The following TSPAN15 variants were observed in gnomAD, a reference collection of about 807,000 sequenced individuals.
TSPAN15 encodes the protein tetraspanin-15.
In TSPAN15, 20 loss-of-function variants were observed where a neutral mutation model predicts 34.5. The ratio of observed to expected loss-of-function variants is 0.58; its 90% CI spans 0.41 to 0.84. The LOEUF (loss-of-function observed/expected upper bound fraction) is 0.84. Ranked by LOEUF, TSPAN15 falls within the 40% of genes least tolerant of loss-of-function variation. TSPAN15 has a pLI of 0.00. For synonymous variants in TSPAN15, 155 were observed against 153.9 expected (o/e 1.01, Z -0.05); for missense variants, 313 against 386.1 (o/e 0.81, Z 1.59).
At chr10:69,540,254 G>C in the TSPAN15 span, among the ~76,000 whole-genome samples, 1 of 152,176 alleles carries the variant, frequency 6.6e-6, no homozygotes, top group African/African-American at 2.4e-5. Flanking sequence ...AATTAGCCAG[G>C]CGTGGTGGCA....
the TSPAN15 span, among the ~76,000 whole-genome samples, chr10:69,520,094 A>G: frequency 6.6e-6 from 1 of 152,202 alleles, no homozygotes; most frequent in African/African-American, 2.4e-5. Context: ...ATGTAGTGCA[A>G]CCATTGCCCC....
At chr10:69,456,091 CT>C (rs34066900) in intron 1 of TSPAN15, among the ~76,000 whole-genome samples, 30,350 of 145,004 alleles carry the variant, frequency 0.21, 3,527 homozygotes, top group African/African-American at 0.35. Flanking sequence ...AATTTACTTA[CT>C]TTTTTTTTTT....
At chr10:69,525,855 AAACACTGATGATT>A in the TSPAN15 span, among the ~76,000 whole-genome samples, 2 of 144,950 alleles carry the variant, frequency 1.4e-5, no homozygotes, top group African/African-American at 5.1e-5. Context: ...TAAGATAAAG[AAACACTGATGATT>A]AACACTGATG....
At chr10:69,481,514 C>T (rs982909796) in intron 1 of TSPAN15, among the ~76,000 whole-genome samples, 70 of 152,360 alleles carry the variant, frequency 4.6e-4, no homozygotes, top group African/African-American at 1.7e-3. Context: ...GAAGCAGTCA[C>T]TTCCCTTTAT....
the TSPAN15 span, among the ~76,000 whole-genome samples, chr10:69,538,791 A>C: frequency 6.6e-6 from 1 of 152,196 alleles, no homozygotes; most frequent in African/African-American, 2.4e-5. Flanking sequence ...ATGCACGTGT[A>C]GACGCCCCAG....
chr10:69,506,403 G>T lies in TSPAN15; in HGVS notation c.735+163G>T. The T allele has an allele frequency of 1.5e-6, 1 of 653,530 alleles. No homozygotes were observed. Among genetic ancestry groups the T allele is most frequent in the Non-Finnish European group, 2.7e-6 (1 of 377,026 alleles). 40.5% of individuals were successfully genotyped at this position (653,530 alleles called of 1,614,324 possible). On this transcript the variant is annotated intron_variant, in intron 7 of 7. Transcript: ENST00000373290. This position sits in a 1 kb window ranked among gnomAD's most constrained non-coding sequence, Gnocchi z 4.7. ...GGGGCAAATGGCAATAGCAGTCGTG[G>T]CGAAGCTCTTCCAAGTGCTGCGCAG...
At chr10:69,539,375 TAGAAGA>T in the TSPAN15 span, among the ~76,000 whole-genome samples, 1 of 74,634 alleles carries the variant, frequency 1.3e-5, no homozygotes, top group Non-Finnish European at 2.8e-5. Context: ...ACAAAAAAAA[TAGAAGA>T]AGAAGAGGAA....
At chr10:69,461,693 G>A (rs1841261253) in intron 1 of TSPAN15, among the ~76,000 whole-genome samples, 1 of 152,152 alleles carries the variant, frequency 6.6e-6, no homozygotes, top group Non-Finnish European at 1.5e-5. Context: ...AGTGTGGCTG[G>A]TGGTGGGCTG....
At chr10:69,486,431 T>C (rs577019559) in intron 3 of TSPAN15, among the ~76,000 whole-genome samples, 2 of 152,336 alleles carry the variant, frequency 1.3e-5, no homozygotes, top group Admixed American at 1.3e-4. Context: ...TATCTTTTTT[T>C]TTAAAAATAA....
At chr10:69,462,805 C>G (rs192829605) in intron 1 of TSPAN15, among the ~76,000 whole-genome samples, 154 of 152,318 alleles carry the variant, frequency 1.0e-3, no homozygotes, top group African/African-American at 3.5e-3. Flanking sequence ...ACATCTCTTA[C>G]GATCTGGACA....
At chr10:69,521,382 C>T in the TSPAN15 span, among the ~76,000 whole-genome samples, 1 of 146,276 alleles carries the variant, frequency 6.8e-6, no homozygotes, top group Admixed American at 7.1e-5. Flanking sequence ...TGGTGGTGCA[C>T]ACCTGTAGTC....
At chr10:69,547,991 G>T in the TSPAN15 span, among the ~76,000 whole-genome samples, 7 of 152,336 alleles carry the variant, frequency 4.6e-5, no homozygotes, top group East Asian at 1.3e-3. Flanking sequence ...TCCTGAACCA[G>T]TAACTGAGGC....
intron 3 of TSPAN15, among the ~76,000 whole-genome samples, chr10:69,489,045 A>G (rs1444302895): frequency 2.6e-5 from 4 of 152,138 alleles, no homozygotes; most frequent in African/African-American, 9.7e-5. Flanking sequence ...ACCAGGGTGT[A>G]TTTCAGTCCT....
Position 69,451,569 on chromosome 10 carries a change from C to A in TSPAN15, c.-26C>A, listed in dbSNP as rs752357991. On this transcript the variant is annotated 5_prime_UTR_variant, in exon 1 of 8. Coordinates refer to ENST00000373290, the MANE Select transcript of TSPAN15 (RefSeq NM_012339.5). ...CCGAGCCGGAGAGCCCCGGAGCCCCCGTAACCCGCGCGGGGAGCGCCCAGG... is the reference window on the plus strand; with the variant it reads ...CCGAGCCGGAGAGCCCCGGAGCCCCAGTAACCCGCGCGGGGAGCGCCCAGG... 1 of 1,431,294 alleles carries A rather than the reference C, an allele frequency of 7.0e-7. No individual in the cohort carries two copies. Among genetic ancestry groups the A allele is most frequent in the South Asian group, 1.5e-5 (1 of 67,484 alleles). 88.7% of individuals were successfully genotyped at this position (1,431,294 alleles called of 1,614,324 possible). A position where few individuals can be genotyped will look rare whatever the true frequency, so the allele number is the denominator to read the frequency against.
At chr10:69,477,177 C>T (rs1007892938) in intron 1 of TSPAN15, among the ~76,000 whole-genome samples, 1 of 152,108 alleles carries the variant, frequency 6.6e-6, no homozygotes, top group Non-Finnish European at 1.5e-5. Flanking sequence ...ACTCTGTCGC[C>T]AGGCTGGAGT....
At chr10:69,462,496 C>T (rs904654762) in intron 1 of TSPAN15, among the ~76,000 whole-genome samples, 3 of 151,942 alleles carry the variant, frequency 2.0e-5, no homozygotes, top group African/African-American at 4.8e-5. Context: ...CCATCACGCC[C>T]AGCTAATTTT....
chr10:69,487,378 C>A (rs1157982732), intron 3 of TSPAN15, among the ~76,000 whole-genome samples: 1 of 151,742 alleles, frequency 6.6e-6, no homozygotes. Context: ...ACCTGCCCCT[C>A]CCTGTCCCTC....
At chr10:69,479,430 C>T (rs980249643) in intron 1 of TSPAN15, among the ~76,000 whole-genome samples, 1 of 152,256 alleles carries the variant, frequency 6.6e-6, no homozygotes, top group African/African-American at 2.4e-5. Flanking sequence ...GAAGATGCCA[C>T]GTGGTTCACA....
intron 1 of TSPAN15, among the ~76,000 whole-genome samples, chr10:69,474,279 C>G (rs1841569094): frequency 6.6e-6 from 1 of 152,128 alleles, no homozygotes; most frequent in South Asian, 2.1e-4. Flanking sequence ...CTCCCATACC[C>G]CTTCCCTGGA....
Sources: gnomAD v4.1 joint callset for allele counts (sites outside exome capture counted in the v4.1 genomes callset) on GRCh38, gnomAD v4.1.1 for gene constraint, Gnocchi (gnomAD v3.1) non-coding constraint, MANE v1.5 for transcripts, NCBI Gene and HGNC (gene_info 2026-07-23, HGNC 2026-07-21) for gene names.